The following STAU1 variants were observed in gnomAD, a reference collection of about 807,000 sequenced individuals.
STAU1 encodes the protein double-stranded RNA-binding protein Staufen homolog 1.
Under a neutral mutation model 62.9 loss-of-function variants are expected in STAU1, and 13 were observed. The ratio of observed to expected loss-of-function variants is 0.21; its 90% CI spans 0.13 to 0.33. The LOEUF is 0.33. Ranked by LOEUF, STAU1 falls within the 10% of genes least tolerant of loss-of-function variation. The pLI is 1.00. For missense variants in STAU1, 571 were observed against 712.1 expected (o/e 0.80, Z 2.25); for synonymous variants, 269 against 265.1 (o/e 1.01, Z -0.14).
chr20:49,151,283 A>G (rs2093243490), intron 5 of STAU1, among the ~76,000 whole-genome samples: 1 of 152,196 alleles, frequency 6.6e-6, no homozygotes, highest in South Asian at 2.1e-4. Flanking sequence ...TCATCCATAC[A>G]TGTTCTTCAC....
chr20:49,134,807 G>A (rs2092838017), intron 6 of STAU1: 1 of 1,353,206 alleles, frequency 7.4e-7, no homozygotes. Flanking sequence ...TGGAGAGCCT[G>A]GTTTTCCACT....
chr20:49,157,583 G>A (rs958509399), intron 3 of STAU1, among the ~76,000 whole-genome samples: 2 of 151,450 alleles, frequency 1.3e-5, no homozygotes, highest in Admixed American at 1.3e-4. Context: ...AGGTTCAAGC[G>A]ATTCTCCTGC....
rs2092265380 is a variant in STAU1 at position 49,114,538 on chromosome 20, A to C, written c.*340T>G. The C allele has an allele frequency of 3.4e-6, 1 of 296,962 alleles. No homozygotes were observed. Among genetic ancestry groups the C allele is most frequent in the African/African-American group, 2.1e-5 (1 of 47,102 alleles). The allele number at this position is 296,962 out of a possible 1,614,324, so 18.4% of individuals were successfully genotyped here. ...GGTCGTGCCGTTTCTTCTTTCACAC[A>C]GGGGAAAAAAAAGACCAAACACGGA... On this transcript the variant is annotated 3_prime_UTR_variant, in exon 14 of 14. Coordinates refer to ENST00000371856, the MANE Select transcript of STAU1 (RefSeq NM_017453.4).
chr20:49,151,802 TAC>T, intron 4 of STAU1, 55 bp from the exon 5 acceptor site: 1 of 1,504,460 alleles, frequency 6.6e-7, no homozygotes, highest in South Asian at 1.2e-5. Context: ...AAGTCACCTA[TAC>T]ACTCTCTGGC....
intron 8 of STAU1, 114 bp from the exon 9 acceptor site, chr20:49,120,242 G>C (rs2092434668): frequency 1.6e-6 from 2 of 1,261,944 alleles, no homozygotes; most frequent in Non-Finnish European, 2.1e-6. Context: ...GATAACAGCA[G>C]TGCCCCGAAC....
chr20:49,197,424 T>C, the STAU1 span, among the ~76,000 whole-genome samples: 3 of 149,334 alleles, frequency 2.0e-5, no homozygotes, highest in Middle Eastern at 3.2e-3. Context: ...TTTTTTGCGA[T>C]GGAGTCTTGC....
chr20:49,179,081 A>T (rs2093694202), intron 1 of STAU1: 1 of 100,096 alleles, frequency 1.0e-5, no homozygotes, highest in African/African-American at 8.8e-5. Flanking sequence ...ACTCCATCTA[A>T]AAAAAAAAAA....
At chr20:49,153,824 C>A in intron 4 of STAU1, 109 bp downstream of exon 4, 1 of 1,224,600 alleles carries the variant, frequency 8.2e-7, no homozygotes. Context: ...ACTTGGCAGG[C>A]CCAAACCAAA....
chr20:49,137,596 G>A (rs1475383371), intron 5 of STAU1, among the ~76,000 whole-genome samples: 1 of 152,080 alleles, frequency 6.6e-6, no homozygotes, highest in Admixed American at 6.6e-5. Flanking sequence ...AAATAGGCAA[G>A]GTATAGGACT....
chr20:49,126,599 C>CAAAAAAAAAAACAAAAAAAAAAAA (rs1600641014), intron 6 of STAU1, among the ~76,000 whole-genome samples: 2 of 57,286 alleles, frequency 3.5e-5, no homozygotes, highest in African/African-American at 5.7e-5. Flanking sequence ...AAAAAAAAAA[C>CAAAAAAAAAAACAAAAAAAAAAAA]AAAAAAACTT....
intron 1 of STAU1, among the ~76,000 whole-genome samples, chr20:49,175,709 G>C (rs111368673): frequency 2.0e-5 from 3 of 150,592 alleles, no homozygotes; most frequent in African/African-American, 7.3e-5. Flanking sequence ...GGCTGGTCTC[G>C]AACACCTGAC....
At position 49,117,537 on chromosome 20, in the gene STAU1, G is replaced by A. The variant is rs1411322436; in HGVS notation, c.1509+240C>T. 1.3e-5 allele frequency among the ~76,000 whole-genome samples: 2 copies of A among 152,208 alleles called. No homozygotes were observed. ...AATTTACAACCACTGCTAGTGGTTA[G>A]AAGCTTTTAGGGTTGGCTTGCATGT... On this transcript the variant is annotated intron_variant, in intron 11 of 13. Coordinates refer to ENST00000371856, the MANE Select transcript of STAU1 (RefSeq NM_017453.4). This position sits in a 1 kb window ranked among gnomAD's most constrained non-coding sequence, Gnocchi z 4.6.
rs144024014 is a variant in STAU1, at chr20:49,127,493, G to A, written c.610-2906C>T. 3.3e-3 allele frequency among the ~76,000 whole-genome samples: 499 copies of A among 151,544 alleles called. 5 individuals carry two copies. The highest frequency in any genetic ancestry group is 0.014 in the Middle Eastern group (4 of 290). Reference sequence around the variant, plus strand: ...GGCCGAGGCGGGTGGATCACCTGAGGTCAGGAGTTTGAGACCAGCTTGGCC... The same window carrying A: ...GGCCGAGGCGGGTGGATCACCTGAGATCAGGAGTTTGAGACCAGCTTGGCC... On this transcript the variant is annotated intron_variant, in intron 6 of 13. Transcript: ENST00000371856.
intron 1 of STAU1, among the ~76,000 whole-genome samples, chr20:49,175,821 G>A: frequency 1.0e-5 from 1 of 99,600 alleles, no homozygotes; most frequent in Admixed American, 1.2e-4. Flanking sequence ...TTTTGAGACG[G>A]AGTCTCGCTG....
chr20:49,204,137 T>A, the STAU1 span, among the ~76,000 whole-genome samples: 6 of 152,064 alleles, frequency 3.9e-5, no homozygotes, highest in African/African-American at 1.4e-4. Context: ...TTTTTTTTTT[T>A]TAGAGTCTCA....
intron 3 of STAU1, among the ~76,000 whole-genome samples, chr20:49,162,344 A>AT (rs2093461572): frequency 6.6e-6 from 1 of 152,226 alleles, no homozygotes. Context: ...AGAGTCTCAC[A>AT]TGGCAAATAT....
chr20:49,185,958 C>CA (rs2093781458), intron 1 of STAU1, among the ~76,000 whole-genome samples: 1 of 151,956 alleles, frequency 6.6e-6, no homozygotes, highest in South Asian at 2.1e-4. Flanking sequence ...TCTCCTGTCT[C>CA]AGCCTCGGGA....
upstream of STAU1, among the ~76,000 whole-genome samples, chr20:49,190,532 A>C (rs2093829907): frequency 6.6e-6 from 1 of 152,094 alleles, no homozygotes; most frequent in Non-Finnish European, 1.5e-5. Flanking sequence ...GGCTGGTCTC[A>C]AATTCTAGGC....
intron 7 of STAU1, 91 bp downstream of exon 7, chr20:49,124,284 C>G (rs552450685): frequency 7.3e-7 from 1 of 1,378,684 alleles, no homozygotes; most frequent in South Asian, 1.3e-5. Context: ...GGTCTCATCC[C>G]CTTTCACCTT....
Sources: allele counts gnomAD v4.1 joint callset (sites outside exome capture counted in the v4.1 genomes callset), GRCh38; gene constraint gnomAD v4.1.1; non-coding constraint Gnocchi (gnomAD v3.1); transcripts MANE v1.5; gene names NCBI Gene and HGNC (gene_info 2026-07-23, HGNC 2026-07-21).